The following GXYLT2 variants were observed in gnomAD, a reference collection of about 807,000 sequenced individuals.
GXYLT2 encodes glycosyltransferase 8 domain containing 4.
A neutral mutation model predicts 45.8 loss-of-function variants in GXYLT2; 53 were observed. The ratio of observed to expected loss-of-function variants is 1.16; its 90% CI spans 0.93 to 1.46. The LOEUF is 1.46. Among genes scored for constraint, GXYLT2 ranks in the 40% most tolerant of loss-of-function variants. The probability of loss-of-function intolerance (pLI) is 0.00; values close to 1 mark genes in which losing one functional copy is unlikely to be tolerated. For missense variants in GXYLT2, 551 were observed against 544.4 expected (o/e 1.01, Z -0.12); for synonymous variants, 219 against 214.2 (o/e 1.02, Z -0.19).
chr3:72,890,243 A>T (rs1244039964), intron 1 of GXYLT2, among the ~76,000 whole-genome samples: 1 of 152,188 alleles, frequency 6.6e-6, no homozygotes, highest in East Asian at 1.9e-4. Context: ...GTGGTTCTCA[A>T]AGTGTGGACT....
rs572058511 is a variant in GXYLT2 at position 72,958,731 on chromosome 3, C to T, written c.976+1379C>T. Reference sequence around the variant, plus strand: ...ACTGCAATCTCTGCCTCCTGGGTTCCGGTAATTCTTCTGCCTCAGCCTCCC... The same window carrying T: ...ACTGCAATCTCTGCCTCCTGGGTTCTGGTAATTCTTCTGCCTCAGCCTCCC... On this transcript the variant is annotated intron_variant, in intron 5 of 6. Transcript: ENST00000389617. Among the ~76,000 whole-genome samples, 7 of 149,984 alleles carry T rather than the reference C, an allele frequency of 4.7e-5. No homozygotes were observed. In the East Asian group the frequency reaches 6.0e-4, roughly 13 times the overall value.
At chr3:72,896,763 T>C (rs999727647) in intron 1 of GXYLT2, among the ~76,000 whole-genome samples, 1 of 152,008 alleles carries the variant, frequency 6.6e-6, no homozygotes, top group Non-Finnish European at 1.5e-5. Flanking sequence ...GCAAGAGATA[T>C]TGCTTGAACC....
intron 6 of GXYLT2, among the ~76,000 whole-genome samples, chr3:72,971,971 A>C (rs935298917): frequency 7.2e-5 from 11 of 151,822 alleles, no homozygotes; most frequent in African/African-American, 2.4e-4. Context: ...AAAAGATATA[A>C]GGAAGTTGTT....
At chr3:72,924,911 G>T (rs1343720156) in intron 3 of GXYLT2, among the ~76,000 whole-genome samples, 1 of 152,048 alleles carries the variant, frequency 6.6e-6, no homozygotes, top group African/African-American at 2.4e-5. Context: ...AAAAGACAGG[G>T]AAAAGCAGTT....
chr3:72,950,230 G>A (rs1349925059), intron 3 of GXYLT2, among the ~76,000 whole-genome samples: 1 of 152,134 alleles, frequency 6.6e-6, no homozygotes, highest in Non-Finnish European at 1.5e-5. Flanking sequence ...GGAGGCTGAG[G>A]CGGGCGAATC....
chr3:72,962,846 G>A (rs974401896), intron 5 of GXYLT2, among the ~76,000 whole-genome samples: 4 of 151,976 alleles, frequency 2.6e-5, no homozygotes, highest in African/African-American at 9.7e-5. Flanking sequence ...TAGATTGTGT[G>A]ATCAGAAAAG....
intron 2 of GXYLT2, among the ~76,000 whole-genome samples, chr3:72,921,753 A>G (rs926007825): frequency 6.6e-6 from 1 of 152,158 alleles, no homozygotes; most frequent in African/African-American, 2.4e-5. Flanking sequence ...TTATTTTATT[A>G]TATAGTTCTG....
At chr3:72,930,173 A>AC (rs1710000763) in intron 3 of GXYLT2, among the ~76,000 whole-genome samples, 1 of 87,768 alleles carries the variant, frequency 1.1e-5, no homozygotes, top group Non-Finnish European at 2.9e-5. Context: ...TCTCAAAAAA[A>AC]CAAAAAAAAA....
intron 5 of GXYLT2, among the ~76,000 whole-genome samples, chr3:72,961,484 A>G (rs1468411017): frequency 6.6e-6 from 1 of 151,916 alleles, no homozygotes; most frequent in Non-Finnish European, 1.5e-5. Flanking sequence ...CAGAGGCCTC[A>G]TGGTTTCTGT....
chr3:72,917,717 C>T (rs1709766157), intron 2 of GXYLT2, among the ~76,000 whole-genome samples: 1 of 146,892 alleles, frequency 6.8e-6, no homozygotes, highest in South Asian at 2.2e-4. Context: ...ATGATCGTGC[C>T]ACTGTACTCC....
intron 2 of GXYLT2, among the ~76,000 whole-genome samples, chr3:72,911,296 A>G (rs945652121): frequency 2.6e-5 from 4 of 152,164 alleles, no homozygotes; most frequent in African/African-American, 7.2e-5. Context: ...TCTCAAAAAA[A>G]ATAACGAAAG....
intron 6 of GXYLT2, among the ~76,000 whole-genome samples, chr3:72,974,487 G>A (rs1296777435): frequency 6.6e-6 from 1 of 152,208 alleles, no homozygotes; most frequent in Non-Finnish European, 1.5e-5. Flanking sequence ...GATTTCAAGT[G>A]AGTATCTTGA....
At chr3:72,923,041 G>A (rs1185596807) in intron 3 of GXYLT2, among the ~76,000 whole-genome samples, 1 of 152,078 alleles carries the variant, frequency 6.6e-6, no homozygotes, top group Admixed American at 6.6e-5. Flanking sequence ...AGTCACCTGA[G>A]GTTAGGAGTT....
At chr3:72,959,663 C>A (rs1710731713) in intron 5 of GXYLT2, among the ~76,000 whole-genome samples, 2 of 151,804 alleles carry the variant, frequency 1.3e-5, no homozygotes, top group African/African-American at 2.4e-5. Flanking sequence ...GAGATGGAAT[C>A]TGGCTCTGTC....
chr3:72,946,616 G>A (rs1710412592), intron 3 of GXYLT2, among the ~76,000 whole-genome samples: 1 of 152,138 alleles, frequency 6.6e-6, no homozygotes, highest in Non-Finnish European at 1.5e-5. Context: ...TGGAAGGGGT[G>A]AGAGAGCTCT....
intron 3 of GXYLT2, among the ~76,000 whole-genome samples, chr3:72,924,216 T>A (rs1280277374): frequency 6.9e-6 from 1 of 145,444 alleles, no homozygotes; most frequent in Non-Finnish European, 1.5e-5. Flanking sequence ...TTTTAAGAGA[T>A]AAGGTCACTC....
chr3:72,915,249 A>G (rs1709712574), intron 2 of GXYLT2, among the ~76,000 whole-genome samples: 1 of 151,140 alleles, frequency 6.6e-6, no homozygotes, highest in African/African-American at 2.4e-5. Context: ...TTTCCTTTAA[A>G]GAAAGAAAAA....
chr3:72,970,052 C>CA (rs199508509), intron 6 of GXYLT2, among the ~76,000 whole-genome samples: 71 of 149,132 alleles, frequency 4.8e-4, no homozygotes, highest in Non-Finnish European at 6.7e-4. Context: ...GACCCCATCT[C>CA]AAAAAAAAAT....
rs79092783 is a variant in GXYLT2, at chr3:72,935,939, A to G, written c.600+13604A>G. On this transcript the variant is annotated intron_variant, in intron 3 of 6. Transcript: ENST00000389617. ...AAGCAGGGAATACTACTCAAAGGGG[A>G]CGTGAAAGGAGTATCAGGGGAAAGG... 7.8e-3 allele frequency among the ~76,000 whole-genome samples: 1,192 copies of G among 152,294 alleles called. 10 individuals carry two copies. Among genetic ancestry groups the G allele is most frequent in the Non-Finnish European group, 0.012 (801 of 68,028 alleles).
Sources: gnomAD v4.1 joint callset for allele counts (sites outside exome capture counted in the v4.1 genomes callset) on GRCh38, gnomAD v4.1.1 for gene constraint, MANE v1.5 for transcripts, NCBI Gene and HGNC (gene_info 2026-07-23, HGNC 2026-07-21) for gene names.